Variants in RIOX2 observed in about 807,000 individuals in gnomAD.
RIOX2 encodes ribosomal oxygenase 2.
A neutral mutation model predicts 51.2 loss-of-function variants in RIOX2; 43 were observed. The observed-to-expected ratio is 0.84, with a 90% confidence interval of 0.66 to 1.08. The LOEUF (loss-of-function observed/expected upper bound fraction) is 1.08. Ranked by LOEUF, RIOX2 falls within the 50% of genes least tolerant of loss-of-function variation. The pLI, the probability that RIOX2 is intolerant of heterozygous loss-of-function variation, is 0.00. For missense variants in RIOX2, 566 were observed against 561.7 expected (o/e 1.01, Z -0.08); for synonymous variants, 226 against 218.5 (o/e 1.03, Z -0.30).
chr3:97,952,723 T>G (rs1705294895), intron 5 of RIOX2, among the ~76,000 whole-genome samples: 1 of 152,170 alleles, frequency 6.6e-6, no homozygotes, highest in African/African-American at 2.4e-5. Context: ...AGAATGGACT[T>G]CTAATTCCAG....
intron 6 of RIOX2, 62 bp downstream of exon 6, chr3:97,950,724 G>A (rs1473648292): frequency 7.5e-7 from 1 of 1,326,608 alleles, no homozygotes; most frequent in East Asian, 2.3e-5. Flanking sequence ...CCTTAAGGTA[G>A]GACTTCAGCT....
chr3:97,968,784 T>C (rs2107201434), intron 1 of RIOX2, among the ~76,000 whole-genome samples: 1 of 152,308 alleles, frequency 6.6e-6, no homozygotes, highest in Middle Eastern at 3.4e-3. Flanking sequence ...GAAGTCCCTA[T>C]CTCCTGACAA....
rs1705989728 is a variant in RIOX2, at chr3:97,968,490, A to G, written c.-39-858T>C. On this transcript the variant is annotated intron_variant, in intron 1 of 9. Transcript: ENST00000394198. The stretch of plus-strand genomic sequence containing the variant: ...CTCAATAAAATGCAGGATATGATCC[A>G]CTAGCTCCAAGGTGAAGCCTGAGGT... Among the ~76,000 whole-genome samples, 3 of 152,210 alleles carry G rather than the reference A, an allele frequency of 2.0e-5. 1 individual carries two copies. Among genetic ancestry groups the G allele is most frequent in the African/African-American group, 7.2e-5 (3 of 41,466 alleles).
chr3:97,959,342 A>G (rs966697009), intron 3 of RIOX2, among the ~76,000 whole-genome samples, 163 bp from the exon 4 acceptor site: 6 of 137,582 alleles, frequency 4.4e-5, no homozygotes, highest in Admixed American at 7.8e-5. Context: ...GTTGTTATAG[A>G]CAGTCTCATT....
chr3:97,967,602 C>G lies in RIOX2; in HGVS notation c.-9G>C. Reference sequence around the variant, plus strand: ...TTTGCTTTCTTTGGCATCGTTCTGTCTTCAAGACAAAGCAGTAAGGAAATG... The same window carrying G: ...TTTGCTTTCTTTGGCATCGTTCTGTGTTCAAGACAAAGCAGTAAGGAAATG... On this transcript the variant is annotated 5_prime_UTR_variant, in exon 2 of 10. Coordinates refer to ENST00000394198, the MANE Select transcript of RIOX2 (RefSeq NM_153182.4). 1 of 1,558,024 alleles carries G rather than the reference C, an allele frequency of 6.4e-7. No homozygotes were observed. Among genetic ancestry groups the G allele is most frequent in the Non-Finnish European group, 8.6e-7 (1 of 1,159,072 alleles).
intron 4 of RIOX2, among the ~76,000 whole-genome samples, chr3:97,954,766 C>T (rs930257494): frequency 6.6e-6 from 1 of 152,150 alleles, no homozygotes; most frequent in Non-Finnish European, 1.5e-5. Context: ...ACTAGACTCA[C>T]CTGAGACTAC....
chr3:97,967,121 T>G, intron 2 of RIOX2, 41 bp downstream of exon 2: 1 of 1,582,698 alleles, frequency 6.3e-7, no homozygotes. Flanking sequence ...ATGTTAGTAC[T>G]TTAAAATGTA....
At chr3:97,960,621 A>T (rs895978302) in intron 3 of RIOX2, among the ~76,000 whole-genome samples, 11 of 152,212 alleles carry the variant, frequency 7.2e-5, no homozygotes, top group Admixed American at 2.0e-4. Context: ...TGAGAAATGC[A>T]TGTCATTCCA....
In RIOX2 at chr3:97,945,237, T is replaced by C; in HGVS notation, c.1345A>G (p.Lys449Glu). Residue 449 changes from lysine (K) to glutamate (E), a missense_variant, in exon 10 of 10, where the codon AAG becomes GAG. Coordinates refer to ENST00000394198, the MANE Select transcript of RIOX2 (RefSeq NM_153182.4). The stretch of plus-strand genomic sequence containing the variant: ...CAGAGGGATAATACCAGGCTTTCCT[T>C]TTCCTCATCTGTAGTAAGTTTCAGG... ...KDLKLTTDEE[K>E]ESLVLSLWTE... is the part of the protein sequence containing the mutation. The C allele has an allele frequency of 6.2e-7, 1 of 1,612,722 alleles. No homozygotes were observed. Among genetic ancestry groups the C allele is most frequent in the Non-Finnish European group, 8.5e-7 (1 of 1,178,982 alleles).
chr3:97,956,730 G>A (rs1705464384), intron 4 of RIOX2, among the ~76,000 whole-genome samples: 1 of 151,976 alleles, frequency 6.6e-6, no homozygotes, highest in African/African-American at 2.4e-5. Flanking sequence ...CCTGACCTCA[G>A]GTGATCCACC....
In RIOX2 at chr3:97,954,377, G is replaced by C. The variant is rs773885463; in HGVS notation, c.785+15C>G. The C allele has an allele frequency of 6.3e-7, 1 of 1,579,974 alleles. No homozygotes were observed. Among genetic ancestry groups the C allele is most frequent in the East Asian group, 2.2e-5 (1 of 44,702 alleles). On this transcript the variant is annotated intron_variant, in intron 5 of 9. Coordinates refer to ENST00000394198, the MANE Select transcript of RIOX2 (RefSeq NM_153182.4). ...AGAGCTGTCCTAGCATGTGCAGCTG[G>C]GAGGCAGTGTTTACTTGTTCTGGTA...
chr3:97,943,089 C>T lies in RIOX2; in HGVS notation c.*2095G>A. The T allele has an allele frequency of 1.7e-6, 1 of 606,000 alleles. No individual in the cohort carries two copies. The highest frequency in any genetic ancestry group is 2.8e-5 in the East Asian group (1 of 35,528). 37.5% of individuals were successfully genotyped at this position (606,000 alleles called of 1,614,324 possible). A position where few individuals can be genotyped will look rare whatever the true frequency, so the allele number is the denominator to read the frequency against. On this transcript the variant is annotated 3_prime_UTR_variant, in exon 10 of 10. Transcript: ENST00000394198. Reference sequence around the variant, plus strand: ...AATGGCTAAGCCTGTTCAAACTCAGCTTCCCATTTCAGACTTCTTTGTAAA... The same window carrying T: ...AATGGCTAAGCCTGTTCAAACTCAGTTTCCCATTTCAGACTTCTTTGTAAA...
chr3:97,948,663 C>T lies in RIOX2; in HGVS notation c.1060+1181G>A, dbSNP rs538027811. 6.6e-5 allele frequency among the ~76,000 whole-genome samples: 10 copies of T among 152,300 alleles called. No individual in the cohort carries two copies. In the East Asian group the frequency reaches 1.9e-3, roughly 29 times the overall value. ...TGCCTACCAGATAACATTTAGGAGA[C>T]TTAATCATAGAATCCCTTCCATTTC... On this transcript the variant is annotated intron_variant, in intron 7 of 9. Transcript: ENST00000394198.
intron 4 of RIOX2, among the ~76,000 whole-genome samples, chr3:97,956,844 T>C (rs1037540125): frequency 6.6e-6 from 1 of 152,196 alleles, no homozygotes; most frequent in Admixed American, 6.5e-5. Flanking sequence ...TCAATCCTCA[T>C]AGCCTGCAAG....
chr3:97,945,021 G>GT lies in RIOX2; in HGVS notation c.*162dup. 1.9e-6 allele frequency: 1 copy of GT among 517,550 alleles called. No individual in the cohort carries two copies. The highest frequency in any genetic ancestry group is 3.4e-6 in the Non-Finnish European group (1 of 298,504). 32.1% of individuals were successfully genotyped at this position (517,550 alleles called of 1,614,324 possible). On this transcript the variant is annotated 3_prime_UTR_variant, in exon 10 of 10. Coordinates refer to ENST00000394198, the MANE Select transcript of RIOX2 (RefSeq NM_153182.4). ...TTGCTGTTCTTTCTTTCATGTGCCC[G>GT]TTAGTACATTTGGCCAACTGACCAC... is the stretch of plus-strand genomic sequence containing the variant.
intron 3 of RIOX2, among the ~76,000 whole-genome samples, chr3:97,960,913 T>A (rs184456762): frequency 2.6e-5 from 4 of 152,228 alleles, no homozygotes; most frequent in South Asian, 4.1e-4. Flanking sequence ...GTCAAAGATA[T>A]TCTATTAAAA....
intron 4 of RIOX2, among the ~76,000 whole-genome samples, chr3:97,956,574 C>T (rs1705459981): frequency 6.6e-6 from 1 of 151,840 alleles, no homozygotes; most frequent in Non-Finnish European, 1.5e-5. Context: ...TCGGTCACTG[C>T]AACCTCCATC....
intron 8 of RIOX2, 133 bp from the exon 9 acceptor site, chr3:97,946,020 A>C: frequency 3.1e-6 from 2 of 651,730 alleles, no homozygotes; most frequent in African/African-American, 1.8e-5. Context: ...AATTTATTGA[A>C]TACTGTAAAG....
chr3:97,951,749 T>C (rs971226465), intron 5 of RIOX2, among the ~76,000 whole-genome samples: 5 of 152,162 alleles, frequency 3.3e-5, no homozygotes, highest in African/African-American at 1.2e-4. Context: ...CCCAGAAAAG[T>C]TGCAAAGGAG....
Sources: allele counts gnomAD v4.1 joint callset (sites outside exome capture counted in the v4.1 genomes callset), GRCh38; gene constraint gnomAD v4.1.1; transcripts MANE v1.5; gene names NCBI Gene and HGNC (gene_info 2026-07-23, HGNC 2026-07-21).